Variants in CSMD1 observed in about 807,000 individuals in gnomAD.
The protein encoded by CSMD1 is CUB and sushi domain-containing protein 1.
A neutral mutation model predicts 417.5 loss-of-function variants in CSMD1; 213 were observed. The ratio of observed to expected loss-of-function variants is 0.51; its 90% CI spans 0.46 to 0.57. CSMD1 has a LOEUF of 0.57. CSMD1 is among the 20% of genes least tolerant of loss of function. The pLI is 0.00. For missense variants in CSMD1, 6,923 were observed against 4,529.7 expected, an observed-to-expected ratio of 1.53 and a Z score of -15.17; for synonymous variants, 2,862 against 1,736.8, an observed-to-expected ratio of 1.65 and a Z score of -16.11.
rs185369878 is a variant in CSMD1, at chr8:4,874,119, C to T, written c.85+120213G>A. ...GGCCTTGGTCTGTAGTATTCCACAC[C>T]TCAGCTACTGATAGATAACTTTATC... On this transcript the variant is annotated intron_variant, in intron 1 of 69. Transcript: ENST00000635120. 4.4e-4 allele frequency among the ~76,000 whole-genome samples: 67 copies of T among 152,136 alleles called. 1 individual carries two copies. Among genetic ancestry groups the T allele is most frequent in the African/African-American group, 1.5e-3 (62 of 41,450 alleles).
At chr8:3,106,487 T>G (rs1816156652) in intron 46 of CSMD1, 41 bp downstream of exon 46, 1 of 1,224,152 alleles carries the variant, frequency 8.2e-7, no homozygotes, top group Non-Finnish European at 1.2e-6. Flanking sequence ...ATTTTCCATG[T>G]TGAATAAGTT....
At chr8:4,622,779 A>G (rs1373231839) in intron 2 of CSMD1, among the ~76,000 whole-genome samples, 1 of 152,102 alleles carries the variant, frequency 6.6e-6, no homozygotes, top group African/African-American at 2.4e-5. Flanking sequence ...GGGCATTTCA[A>G]TACAGCACCC....
chr8:3,017,799 A>G, intron 52 of CSMD1, among the ~76,000 whole-genome samples: 1 of 115,912 alleles, frequency 8.6e-6, no homozygotes, highest in African/African-American at 3.4e-5. Flanking sequence ...TATGGCTTTG[A>G]GTGATTTAAA....
intron 1 of CSMD1, among the ~76,000 whole-genome samples, chr8:4,788,875 G>C (rs1797548954): frequency 6.6e-6 from 1 of 152,158 alleles, no homozygotes; most frequent in African/African-American, 2.4e-5. Context: ...CCTGACTCCA[G>C]GGCAGGCACA....
At chr8:4,364,362 C>T (rs10216514) in intron 3 of CSMD1, among the ~76,000 whole-genome samples, 11,622 of 152,108 alleles carry the variant, frequency 0.076, 677 homozygotes, top group African/African-American at 0.16. Flanking sequence ...AAGAAAACAG[C>T]TTTCCCCTCT....
At chr8:4,528,515 T>G (rs1001623329) in intron 2 of CSMD1, among the ~76,000 whole-genome samples, 1 of 152,024 alleles carries the variant, frequency 6.6e-6, no homozygotes, top group Non-Finnish European at 1.5e-5. Flanking sequence ...GCGCCTAGAG[T>G]TAACAATACT....
chr8:3,610,536 A>G (rs1801840898), intron 8 of CSMD1, among the ~76,000 whole-genome samples: 1 of 152,080 alleles, frequency 6.6e-6, no homozygotes, highest in Admixed American at 6.5e-5. Flanking sequence ...AGGTCATATA[A>G]GTATATAATA....
intron 1 of CSMD1, among the ~76,000 whole-genome samples, chr8:4,876,882 A>C (rs1214371722): frequency 6.6e-6 from 1 of 152,118 alleles, no homozygotes; most frequent in Non-Finnish European, 1.5e-5. Context: ...ATGAGCAAAA[A>C]GGCAAAGAAC....
intron 7 of CSMD1, among the ~76,000 whole-genome samples, chr8:3,667,729 G>C (rs186096400): frequency 8.2e-4 from 125 of 152,318 alleles, no homozygotes; most frequent in Non-Finnish European, 1.5e-3. Context: ...TTACTCATTA[G>C]AGAAAGTAAA....
intron 5 of CSMD1, among the ~76,000 whole-genome samples, chr8:3,900,398 G>T (rs1291654429): frequency 6.6e-6 from 1 of 151,866 alleles, no homozygotes; most frequent in Non-Finnish European, 1.5e-5. Context: ...TGACAGTATA[G>T]GTGGGTGACA....
chr8:3,677,735 A>C (rs144759257), intron 7 of CSMD1, among the ~76,000 whole-genome samples: 1 of 152,180 alleles, frequency 6.6e-6, no homozygotes, highest in Non-Finnish European at 1.5e-5. Flanking sequence ...TTTTGGAAAA[A>C]AGCCCTAAAC....
At position 3,461,634 on chromosome 8, in the gene CSMD1, C is replaced by A. The variant is rs369910888; in HGVS notation, c.1561+7078G>T. Reference sequence around the variant, plus strand: ...TGAAACTGTAAGCTATCCCTGTGGCCCAGCATCTTCCAGATCCTCATGCCC... The same window carrying A: ...TGAAACTGTAAGCTATCCCTGTGGCACAGCATCTTCCAGATCCTCATGCCC... On this transcript the variant is annotated intron_variant, in intron 12 of 69. Transcript: ENST00000635120. 4.3e-4 allele frequency among the ~76,000 whole-genome samples: 65 copies of A among 152,288 alleles called. No homozygotes were observed. The South Asian group carries it at 8.7e-3, about 20-fold the overall frequency.
chr8:4,667,351 T>C (rs1299616843), intron 1 of CSMD1, among the ~76,000 whole-genome samples: 1 of 152,154 alleles, frequency 6.6e-6, no homozygotes, highest in African/African-American at 2.4e-5. Flanking sequence ...TCTGCTTTTC[T>C]GCAAACATTC....
At chr8:3,955,890 G>A (rs1454107271) in intron 5 of CSMD1, among the ~76,000 whole-genome samples, 1 of 152,162 alleles carries the variant, frequency 6.6e-6, no homozygotes. Flanking sequence ...CACGATCTCG[G>A]CTCACTTCAA....
chr8:4,518,814 T>A (rs895086084), intron 2 of CSMD1, among the ~76,000 whole-genome samples: 1 of 151,942 alleles, frequency 6.6e-6, no homozygotes, highest in African/African-American at 2.4e-5. Context: ...ATAATTAAAA[T>A]AAAATCTAAG....
Position 3,753,976 on chromosome 8 carries a change from G to A in CSMD1, c.885C>T (p.Thr295=), listed in dbSNP as rs185596078. The stretch of plus-strand genomic sequence containing the variant: ...CTTTGCGTCGGTGGTTGCTGTCAGA[G>A]GTGAAATGGAGTCGTAGCCAATTCT... ...SSKNWLRLHF[T]SDSNHRRKGF... Residue 295 remains threonine (T), a synonymous_variant, in exon 6 of 70, where the codon ACC becomes ACT. Coordinates refer to ENST00000635120, the MANE Select transcript of CSMD1 (RefSeq NM_033225.6). 266 of 1,612,928 alleles carry A rather than the reference G, an allele frequency of 1.6e-4. 2 individuals carry two copies. In the East Asian group the frequency reaches 5.8e-3, roughly 35 times the overall value.
At chr8:3,317,959 G>C (rs1307069713) in intron 23 of CSMD1, among the ~76,000 whole-genome samples, 2 of 152,040 alleles carry the variant, frequency 1.3e-5, no homozygotes, top group African/African-American at 4.8e-5. Context: ...CACAGATGTG[G>C]GCCACCATGC....
intron 3 of CSMD1, among the ~76,000 whole-genome samples, chr8:4,093,843 C>A (rs958852018): frequency 6.6e-6 from 1 of 152,000 alleles, no homozygotes; most frequent in Non-Finnish European, 1.5e-5. Context: ...TGCCTGTAAT[C>A]CCAGCAATCG....
intron 1 of CSMD1, among the ~76,000 whole-genome samples, chr8:4,747,296 C>T (rs762793347): frequency 4.6e-4 from 70 of 152,248 alleles, no homozygotes; most frequent in African/African-American, 4.3e-4. Context: ...CTACTCTGAA[C>T]GGAGCCTGCT....
Sources: allele counts gnomAD v4.1 joint callset (sites outside exome capture counted in the v4.1 genomes callset), GRCh38; gene constraint gnomAD v4.1.1; transcripts MANE v1.5; gene names NCBI Gene and HGNC (gene_info 2026-07-23, HGNC 2026-07-21).